CCDC3: variants seen among roughly 807,000 people sequenced by gnomAD.
CCDC3 encodes the protein coiled-coil domain containing 3, also known as coiled-coil domain-containing protein 3.
A neutral mutation model predicts 21.4 loss-of-function variants in CCDC3; 24 were observed. The ratio of observed to expected loss-of-function variants is 1.12; its 90% CI spans 0.81 to 1.58. CCDC3 has a LOEUF of 1.58. CCDC3 is among the 40% of genes most tolerant of loss of function. The probability of loss-of-function intolerance (pLI) is 0.00; values close to 1 mark genes in which losing one functional copy is unlikely to be tolerated. For synonymous variants in CCDC3, 186 were observed against 166.0 expected, an observed-to-expected ratio of 1.12 and a Z score of -0.93; for missense variants, 425 against 360.9, an observed-to-expected ratio of 1.18 and a Z score of -1.44.
chr10:12,915,980 TCTGGAGCCTGGGTTCACAGTGGATGGTC>T (rs1444038066), intron 2 of CCDC3, among the ~76,000 whole-genome samples: 14 of 152,090 alleles, frequency 9.2e-5, no homozygotes, highest in Admixed American at 3.9e-4. Flanking sequence ...TGGGGGCTAG[TCTGGAGCCTGGGTTCACAGTGGATGGTC>T]CTGGAGCCTG....
intron 4 of CCDC3, among the ~76,000 whole-genome samples, chr10:13,073,131 G>A (rs1836907149): frequency 6.6e-6 from 1 of 152,132 alleles, no homozygotes. Flanking sequence ...CTCCCAAAGT[G>A]CTGGGATTAC....
intron 2 of CCDC3, among the ~76,000 whole-genome samples, chr10:12,911,089 C>G (rs1834264629): frequency 6.6e-6 from 1 of 152,234 alleles, no homozygotes; most frequent in Admixed American, 6.5e-5. Context: ...TTCTGGAAGG[C>G]CATTCCATGA....
intron 2 of CCDC3, among the ~76,000 whole-genome samples, chr10:12,973,260 C>G (rs1835369305): frequency 6.6e-6 from 1 of 152,110 alleles, no homozygotes; most frequent in Non-Finnish European, 1.5e-5. Context: ...AACACAATAT[C>G]ACAGCATGGT....
At chr10:12,996,640 T>C (rs1025808097) in intron 2 of CCDC3, among the ~76,000 whole-genome samples, 1 of 152,160 alleles carries the variant, frequency 6.6e-6, no homozygotes, top group Admixed American at 6.5e-5. Flanking sequence ...AAGAAATCCT[T>C]TCCCTTAGTT....
chr10:13,004,171 C>T (rs1360283949), upstream of CCDC3, among the ~76,000 whole-genome samples: 2 of 152,032 alleles, frequency 1.3e-5, no homozygotes, highest in African/African-American at 4.8e-5. Context: ...TGGATAGTAC[C>T]GTATATGTAT....
intron 2 of CCDC3, among the ~76,000 whole-genome samples, chr10:12,899,151 A>G (rs4748010): frequency 0.97 from 146,987 of 152,026 alleles, 71,133 homozygotes; most frequent in East Asian, 1. Context: ...CAGCAAAAAC[A>G]GACTCTCTTT....
chr10:13,061,947 T>A (rs1278338139), intron 4 of CCDC3, among the ~76,000 whole-genome samples: 1 of 152,116 alleles, frequency 6.6e-6, no homozygotes, highest in Non-Finnish European at 1.5e-5. Context: ...TAACAGAGAT[T>A]CTTTAGAGAT....
Position 13,077,951 on chromosome 10 carries a change from A to G in CCDC3, c.-502-3851T>C, listed in dbSNP as rs530718127. ...TACCATTCAGGACATAGGCATGGGC[A>G]AGGACTTCATGACTAAAACACCAAA... On this transcript the variant is annotated intron_variant, in intron 3 of 6. Coordinates refer to the CCDC3 transcript ENST00000378839. Among the ~76,000 whole-genome samples the G allele has an allele frequency of 1.8e-4, 27 of 152,356 alleles. 1 individual carries two copies. In the South Asian group the frequency reaches 3.7e-3, roughly 21 times the overall value.
chr10:13,090,091 CTTT>C (rs1231936142), intron 3 of CCDC3, among the ~76,000 whole-genome samples: 4 of 106,408 alleles, frequency 3.8e-5, no homozygotes, highest in Admixed American at 9.7e-5. Flanking sequence ...CCGTTTCTTT[CTTT>C]TTTTTTTTTT....
intron 3 of CCDC3, among the ~76,000 whole-genome samples, chr10:13,079,910 A>C (rs1837013961): frequency 6.6e-6 from 1 of 152,198 alleles, no homozygotes; most frequent in Non-Finnish European, 1.5e-5. Flanking sequence ...AGTTCTCTAG[A>C]CGAGGTTAAA....
intron 5 of CCDC3, among the ~76,000 whole-genome samples, chr10:13,033,065 G>A (rs547833506): frequency 6.6e-6 from 1 of 152,178 alleles, no homozygotes; most frequent in Non-Finnish European, 1.5e-5. Context: ...AAAGCTGGAG[G>A]CATCATGCTA....
chr10:12,984,309 C>G (rs139067528), intron 2 of CCDC3, among the ~76,000 whole-genome samples: 5 of 152,270 alleles, frequency 3.3e-5, no homozygotes, highest in Admixed American at 2.6e-4. Context: ...TAAAGATGCT[C>G]GACATCATGA....
intron 2 of CCDC3, among the ~76,000 whole-genome samples, chr10:12,927,401 AAT>A (rs1700523144): frequency 6.6e-6 from 1 of 152,214 alleles, no homozygotes; most frequent in Admixed American, 6.5e-5. Flanking sequence ...AATACTAGCT[AAT>A]ACTCAGTACA....
intron 3 of CCDC3, among the ~76,000 whole-genome samples, chr10:13,090,926 T>A (rs2131454707): frequency 6.6e-6 from 1 of 152,192 alleles, no homozygotes; most frequent in Non-Finnish European, 1.5e-5. Context: ...GTAGGGAAGC[T>A]GACAGTGCAG....
At chr10:12,946,394 T>C (rs1033914716) in intron 2 of CCDC3, among the ~76,000 whole-genome samples, 1 of 152,226 alleles carries the variant, frequency 6.6e-6, no homozygotes, top group Non-Finnish European at 1.5e-5. Context: ...CTTAATTTAT[T>C]AGTATGTAAA....
At chr10:13,086,594 A>G (rs1013498443) in intron 3 of CCDC3, among the ~76,000 whole-genome samples, 7 of 151,982 alleles carry the variant, frequency 4.6e-5, no homozygotes, top group African/African-American at 1.5e-4. Context: ...TTACAGGCAC[A>G]TGCCACCACG....
At chr10:13,090,050 T>G (rs78231418) in intron 3 of CCDC3, among the ~76,000 whole-genome samples, 6,204 of 34,928 alleles carry the variant, frequency 0.18, 290 homozygotes, top group South Asian at 0.42. Flanking sequence ...TATATATATA[T>G]ATATATATAT....
At chr10:13,071,115 G>A (rs1836877053) in intron 4 of CCDC3, among the ~76,000 whole-genome samples, 1 of 152,068 alleles carries the variant, frequency 6.6e-6, no homozygotes, top group Admixed American at 6.5e-5. Flanking sequence ...TCCTTTTTGG[G>A]AAAGTAAGAC....
At chr10:12,931,345 G>A (rs1426996076) in intron 2 of CCDC3, among the ~76,000 whole-genome samples, 1 of 151,980 alleles carries the variant, frequency 6.6e-6, no homozygotes, top group Non-Finnish European at 1.5e-5. Flanking sequence ...ATGTACAGCA[G>A]ATGGGGTGGA....
Sources: allele counts gnomAD v4.1 joint callset (sites outside exome capture counted in the v4.1 genomes callset), GRCh38; gene constraint gnomAD v4.1.1; transcripts MANE v1.5; gene names NCBI Gene and HGNC (gene_info 2026-07-23, HGNC 2026-07-21).